WWOX: variants seen among roughly 807,000 people sequenced by gnomAD.
WWOX encodes the protein WW domain-containing oxidoreductase.
In WWOX, 69 loss-of-function variants were observed where a neutral mutation model predicts 46.2. That is an observed-to-expected ratio of 1.49 (90% CI 1.23 to 1.82). The LOEUF (loss-of-function observed/expected upper bound fraction) is 1.82. WWOX is among the 40% of genes most tolerant of loss of function. WWOX has a pLI of 0.00. For missense variants in WWOX, 919 were observed against 542.6 expected (o/e 1.69, Z -6.89); for synonymous variants, 359 against 202.6 (o/e 1.77, Z -6.56).
intron 8 of WWOX, among the ~76,000 whole-genome samples, chr16:78,794,448 C>T (rs367898820): frequency 1.8e-4 from 28 of 152,238 alleles, no homozygotes; most frequent in African/African-American, 6.7e-4. Context: ...CATAAAAGCC[C>T]CAAAAGACTA....
intron 8 of WWOX, among the ~76,000 whole-genome samples, chr16:78,567,065 GA>G (rs2044587369): frequency 6.6e-6 from 1 of 152,178 alleles, no homozygotes; most frequent in South Asian, 2.1e-4. Context: ...CACCCTAAGT[GA>G]TAGGTGTATT....
At chr16:78,414,356 G>A (rs1488601761) in intron 6 of WWOX, among the ~76,000 whole-genome samples, 3 of 152,172 alleles carry the variant, frequency 2.0e-5, no homozygotes, top group South Asian at 2.1e-4. Flanking sequence ...ATCACTTGAG[G>A]TCAGGAGTTC....
At chr16:78,225,604 T>C (rs1447680349) in intron 5 of WWOX, among the ~76,000 whole-genome samples, 2 of 152,226 alleles carry the variant, frequency 1.3e-5, no homozygotes, top group Non-Finnish European at 2.9e-5. Context: ...ATTAAATTCA[T>C]TGAGGATTTG....
At chr16:78,404,049 G>C (rs1013617162) in intron 6 of WWOX, among the ~76,000 whole-genome samples, 5 of 152,140 alleles carry the variant, frequency 3.3e-5, no homozygotes, top group Non-Finnish European at 5.9e-5. Context: ...TGCAAAGGGC[G>C]AGGCGAGGCT....
chr16:78,201,183 T>G (rs1351994138), intron 5 of WWOX, among the ~76,000 whole-genome samples: 1 of 152,252 alleles, frequency 6.6e-6, no homozygotes. Flanking sequence ...TGTATTCCTT[T>G]TCTTCTGTGA....
intron 8 of WWOX, among the ~76,000 whole-genome samples, chr16:78,809,295 A>C (rs1295991519): frequency 6.6e-6 from 1 of 151,196 alleles, no homozygotes; most frequent in Non-Finnish European, 1.5e-5. Context: ...AACCAAAGCA[A>C]AGCCAATAGA....
chr16:79,207,296 T>G (rs1334144339), intron 8 of WWOX, among the ~76,000 whole-genome samples: 3 of 152,206 alleles, frequency 2.0e-5, no homozygotes. Context: ...ACCAGATGAG[T>G]AACAATGGAA....
intron 8 of WWOX, among the ~76,000 whole-genome samples, chr16:78,759,728 A>G (rs147483432): frequency 8.7e-4 from 132 of 152,322 alleles, no homozygotes; most frequent in African/African-American, 2.8e-3. Flanking sequence ...CTGCTGTAAA[A>G]AGTTAGCACA....
chr16:78,807,190 C>G (rs191497673), intron 8 of WWOX, among the ~76,000 whole-genome samples: 342 of 152,344 alleles, frequency 2.2e-3, no homozygotes, highest in Middle Eastern at 3.4e-3. Context: ...ATCTATGTCA[C>G]TGAGTACATC....
rs979186179 is a variant in WWOX, at chr16:79,173,601, T to C, written c.1057-38007T>C. ...CAGTCAAAGCCACTGGAAATAACTA[T>C]TTCCTATCAAATAAAGCCTTTCTCT... On this transcript the variant is annotated intron_variant, in intron 8 of 8. Transcript: ENST00000566780. Among the ~76,000 whole-genome samples the C allele has an allele frequency of 4.6e-5, 7 of 152,148 alleles. No individual in the cohort carries two copies. In the South Asian group the frequency reaches 1.5e-3, roughly 32 times the overall value.
intron 8 of WWOX, among the ~76,000 whole-genome samples, chr16:78,728,752 C>G (rs1043906492): frequency 1.3e-5 from 2 of 152,166 alleles, no homozygotes; most frequent in Admixed American, 6.5e-5. Flanking sequence ...GGAAAACAAT[C>G]TTCCTTGTAA....
chr16:78,500,703 G>C (rs557026473), intron 8 of WWOX, among the ~76,000 whole-genome samples: 32 of 152,240 alleles, frequency 2.1e-4, no homozygotes, highest in African/African-American at 6.3e-4. Flanking sequence ...AGCTTTTCGG[G>C]AACACGTGTG....
chr16:78,173,980 C>T lies in WWOX; in HGVS notation c.516+9691C>T, dbSNP rs932299210. Among the ~76,000 whole-genome samples, 9 of 151,070 alleles carry T rather than the reference C, an allele frequency of 6.0e-5. No individual in the cohort carries two copies. The South Asian group carries it at 1.3e-3, about 21-fold the overall frequency. On this transcript the variant is annotated intron_variant, in intron 5 of 8. Coordinates refer to ENST00000566780, the MANE Select transcript of WWOX (RefSeq NM_016373.4). ...AATTGAGAGAGAGAGAGAGAGAGGTCGCACTGTCTCATGTGTCTTGTAAGG... is the reference window on the plus strand; with the variant it reads ...AATTGAGAGAGAGAGAGAGAGAGGTTGCACTGTCTCATGTGTCTTGTAAGG...
intron 8 of WWOX, among the ~76,000 whole-genome samples, chr16:78,687,307 C>A (rs902722927): frequency 6.6e-6 from 1 of 152,164 alleles, no homozygotes; most frequent in African/African-American, 2.4e-5. Flanking sequence ...AAATCAAAAT[C>A]TCATCAAATT....
rs184853864 is a variant in WWOX at position 78,648,125 on chromosome 16, A to T, written c.1056+215373A>T. 2.1e-4 allele frequency among the ~76,000 whole-genome samples: 32 copies of T among 152,372 alleles called. 1 individual carries two copies. In the East Asian group the frequency reaches 2.7e-3, roughly 13 times the overall value. ...AGAGAAAATCAGTCAGACAGGAATTATGTTGAAAGGTGACTGAATACATTA... is the reference window on the plus strand; with the variant it reads ...AGAGAAAATCAGTCAGACAGGAATTTTGTTGAAAGGTGACTGAATACATTA... On this transcript the variant is annotated intron_variant, in intron 8 of 8. Transcript: ENST00000566780.
intron 8 of WWOX, among the ~76,000 whole-genome samples, chr16:78,501,883 G>A (rs2085078903): frequency 6.6e-6 from 1 of 152,126 alleles, no homozygotes; most frequent in Non-Finnish European, 1.5e-5. Context: ...GGATGTTGCG[G>A]TGGGGTTGGG....
At chr16:79,106,307 A>G (rs987851031) in intron 8 of WWOX, among the ~76,000 whole-genome samples, 1 of 152,194 alleles carries the variant, frequency 6.6e-6, no homozygotes, top group African/African-American at 2.4e-5. Flanking sequence ...TGAGACCTCA[A>G]AACTTTTACC....
intron 8 of WWOX, among the ~76,000 whole-genome samples, chr16:79,018,946 T>A (rs2047472497): frequency 6.6e-6 from 1 of 150,720 alleles, no homozygotes; most frequent in Non-Finnish European, 1.5e-5. Context: ...AGCTCAGGAG[T>A]TGGAGACAAG....
chr16:78,455,335 T>G (rs1413698516), intron 8 of WWOX, among the ~76,000 whole-genome samples: 4 of 152,074 alleles, frequency 2.6e-5, no homozygotes, highest in Non-Finnish European at 5.9e-5. Context: ...AATGATATTC[T>G]AATCTAATAT....
Sources: allele counts gnomAD v4.1 joint callset (sites outside exome capture counted in the v4.1 genomes callset), GRCh38; gene constraint gnomAD v4.1.1; transcripts MANE v1.5; gene names NCBI Gene and HGNC (gene_info 2026-07-23, HGNC 2026-07-21).